PCDH7: variants seen among roughly 807,000 people sequenced by gnomAD.
PCDH7 encodes the protein protocadherin 7.
Under a neutral mutation model 58.9 loss-of-function variants are expected in PCDH7, and 17 were observed. The ratio of observed to expected loss-of-function variants is 0.29; its 90% CI spans 0.20 to 0.43. The LOEUF is 0.43. Ranked by LOEUF, PCDH7 falls within the 20% of genes least tolerant of loss-of-function variation. The pLI, the probability that PCDH7 is intolerant of heterozygous loss-of-function variation, is 1.00. For synonymous variants in PCDH7, 664 were observed against 616.4 expected (o/e 1.08, Z -1.14); for missense variants, 1,274 against 1,441.0 (o/e 0.88, Z 1.88).
chr4:31,036,007 GC>G (rs965026824), intron 3 of PCDH7, among the ~76,000 whole-genome samples: 2 of 152,092 alleles, frequency 1.3e-5, no homozygotes, highest in African/African-American at 4.8e-5. Context: ...GGGTTAATAT[GC>G]TTTTTGTTCC....
chr4:30,796,293 G>A (rs114714124), intron 1 of PCDH7, among the ~76,000 whole-genome samples: 103 of 152,200 alleles, frequency 6.8e-4, no homozygotes, highest in Non-Finnish European at 1.3e-3. Context: ...GGGGCCTAAC[G>A]GACTTCCCCA....
rs1162850887 is a variant in PCDH7 at position 30,722,285 on chromosome 4, G to A, written c.863G>A (p.Arg288His). The A allele has an allele frequency of 1.9e-6, 3 of 1,602,830 alleles. No homozygotes were observed. Among genetic ancestry groups the A allele is most frequent in the South Asian group, 1.1e-5 (1 of 89,814 alleles). Residue 288 changes from arginine (R) to histidine (H), a missense_variant, in exon 1 of 2, where the codon CGC becomes CAC. Arg to His is a conservative substitution (Grantham distance 29, BLOSUM62 0). Coordinates refer to ENST00000361762, the Ensembl canonical transcript of PCDH7. The surrounding 1 kb of genome is among the most constrained non-coding windows in gnomAD (Gnocchi z 7.6). ...GTGCGCGACGGCGGCGACCCGCCTCGCTCCTCGCAGGCCATCCTACGGGTC... is the reference window on the plus strand; with the variant it reads ...GTGCGCGACGGCGGCGACCCGCCTCACTCCTCGCAGGCCATCCTACGGGTC...
Position 31,003,447 on chromosome 4 carries a change from C to G in PCDH7, c.*7+53232C>G, listed in dbSNP as rs1234223821. The stretch of plus-strand genomic sequence containing the variant: ...TTCTAGTCCTCGTTTTTTTCAATTC[C>G]TTATCCGAAGTTCTTGGAACCAGAA... On this transcript the variant is annotated intron_variant, in intron 3 of 3. Coordinates refer to the PCDH7 transcript ENST00000509759. Among the ~76,000 whole-genome samples the G allele has an allele frequency of 2.0e-5, 3 of 151,506 alleles. No homozygotes were observed. In the South Asian group the frequency reaches 6.2e-4, roughly 31 times the overall value.
rs1322956537 is a variant in PCDH7 at position 30,786,746 on chromosome 4, T to G, written c.70+62150T>G. 3 of 983,580 alleles carry G rather than the reference T, an allele frequency of 3.1e-6. No individual in the cohort carries two copies. In the African/African-American group the frequency reaches 5.2e-5, roughly 17 times the overall value. 60.9% of individuals were successfully genotyped at this position (983,580 alleles called of 1,614,324 possible). On this transcript the variant is annotated intron_variant, in intron 1 of 3. Coordinates refer to the PCDH7 transcript ENST00000509759. ...TTATAGGTGGATACAGTGCAGACCA[T>G]GAACCCCTCTGGCCACATTGAGGAA...
chr4:30,959,349 A>T (rs920271844), intron 3 of PCDH7, among the ~76,000 whole-genome samples: 5 of 152,136 alleles, frequency 3.3e-5, no homozygotes, highest in African/African-American at 4.8e-5. Flanking sequence ...TTAGCAATTA[A>T]AGTTATGAAC....
At chr4:31,030,453 A>T (rs1474722605) in intron 3 of PCDH7, among the ~76,000 whole-genome samples, 2 of 152,210 alleles carry the variant, frequency 1.3e-5, no homozygotes, top group African/African-American at 4.8e-5. Flanking sequence ...GAGGGAAAGA[A>T]AAAGAAAAAG....
chr4:31,014,621 T>C (rs1394600563), intron 3 of PCDH7, among the ~76,000 whole-genome samples: 2 of 152,214 alleles, frequency 1.3e-5, no homozygotes, highest in Non-Finnish European at 2.9e-5. Flanking sequence ...AAATGTTATG[T>C]TTAAAATATT....
At chr4:31,136,980 G>C (rs766961791) in intron 3 of PCDH7, among the ~76,000 whole-genome samples, 15 of 152,032 alleles carry the variant, frequency 9.9e-5, no homozygotes, top group Non-Finnish European at 2.1e-4. Context: ...TTAAAATAAA[G>C]CATTTATTTA....
At chr4:30,933,033 CTT>C (rs35077010) in intron 2 of PCDH7, among the ~76,000 whole-genome samples, 19,592 of 147,198 alleles carry the variant, frequency 0.13, 1,470 homozygotes, top group African/African-American at 0.19. Context: ...TTCTTTCTTT[CTT>C]TTTTTTTTTT....
chr4:30,787,364 A>C (rs759820651), intron 1 of PCDH7, among the ~76,000 whole-genome samples: 13 of 152,142 alleles, frequency 8.5e-5, no homozygotes, highest in Admixed American at 2.0e-4. Flanking sequence ...ATGCTATTTA[A>C]TAACGCATTA....
Position 30,723,502 on chromosome 4 carries a change from A to G in PCDH7, c.2080A>G (p.Ile694Val), listed in dbSNP as rs1427133429. The G allele has an allele frequency of 6.2e-7, 1 of 1,614,010 alleles. No individual in the cohort carries two copies. The highest frequency in any genetic ancestry group is 1.3e-5 in the African/African-American group (1 of 74,920). ...TTCTATTGAAAATGACACGGGGACCATTTACTCCACAATGTCTTTTGACCG... is the reference window on the plus strand; with the variant it reads ...TTCTATTGAAAATGACACGGGGACCGTTTACTCCACAATGTCTTTTGACCG... Residue 694 changes from isoleucine to valine, a missense_variant, in exon 1 of 2, where the codon ATT becomes GTT. This residue lies in a region of PCDH7 where 731 missense variants were observed against 881.9 expected (regional missense o/e 0.83). Transcript: ENST00000361762. The surrounding 1 kb of genome is among the most constrained non-coding windows in gnomAD (Gnocchi z 4.6).
chr4:31,106,425 C>T (rs1201310624), intron 3 of PCDH7, among the ~76,000 whole-genome samples: 1 of 152,212 alleles, frequency 6.6e-6, no homozygotes, highest in Non-Finnish European at 1.5e-5. Flanking sequence ...TAAGTGCTAA[C>T]TATAGAATGT....
intron 2 of PCDH7, among the ~76,000 whole-genome samples, chr4:30,949,712 G>A (rs1578392246): frequency 6.6e-6 from 1 of 152,056 alleles, no homozygotes; most frequent in South Asian, 2.1e-4. Flanking sequence ...TAACAGCTAG[G>A]TAGAGACAGA....
exon 2 of PCDH7, chr4:30,920,312 A>G (rs1042956887): frequency 2.9e-6 from 4 of 1,367,646 alleles, no homozygotes; most frequent in Non-Finnish European, 2.9e-6. Flanking sequence ...CCCAGAGGAC[A>G]ACTATGAAAG....
chr4:30,746,923 C>T (rs10024115), intron 1 of PCDH7, among the ~76,000 whole-genome samples: 68,954 of 151,772 alleles, frequency 0.45, 16,379 homozygotes, highest in Middle Eastern at 0.53. Flanking sequence ...GTGAGGATTT[C>T]GAAATATAGG....
chr4:30,721,403 A>T lies in PCDH7; in HGVS notation c.-20A>T. Reference sequence around the variant, plus strand: ...GGGGGCTGTGGTTAGAAGGAGCAGTAGCAGCAGCAGCAGGAGAAGATGCTG... The same window carrying T: ...GGGGGCTGTGGTTAGAAGGAGCAGTTGCAGCAGCAGCAGGAGAAGATGCTG... On this transcript the variant is annotated 5_prime_UTR_variant, in exon 1 of 2. Coordinates refer to ENST00000361762, the Ensembl canonical transcript of PCDH7. This position sits in a 1 kb window ranked among gnomAD's most constrained non-coding sequence, Gnocchi z 6.7. 6.8e-7 allele frequency: 1 copy of T among 1,466,940 alleles called. No homozygotes were observed. The highest frequency in any genetic ancestry group is 2.4e-5 in the Admixed American group (1 of 42,120). 90.9% of individuals were successfully genotyped at this position (1,466,940 alleles called of 1,614,324 possible).
intron 3 of PCDH7, among the ~76,000 whole-genome samples, chr4:31,079,319 T>G (rs1759283413): frequency 6.8e-5 from 2 of 29,478 alleles, no homozygotes; most frequent in African/African-American, 3.9e-4. Context: ...GATATATATA[T>G]ATATATATAT....
At chr4:30,908,670 A>G (rs186050915) in intron 1 of PCDH7, among the ~76,000 whole-genome samples, 1 of 152,294 alleles carries the variant, frequency 6.6e-6, no homozygotes. Context: ...AAATCCCAGG[A>G]CCAGAAGGAT....
chr4:31,093,607 C>CACACACAT (rs33938318), intron 3 of PCDH7, among the ~76,000 whole-genome samples: 88 of 151,818 alleles, frequency 5.8e-4, no homozygotes, highest in African/African-American at 1.6e-3. Flanking sequence ...CACACACACA[C>CACACACAT]ATTACTTGAA....
Sources: gnomAD v4.1 joint callset for allele counts (sites outside exome capture counted in the v4.1 genomes callset) on GRCh38, gnomAD v4.1.1 for gene constraint, gnomAD v4.1.1 regional missense constraint, Gnocchi (gnomAD v3.1) non-coding constraint, MANE v1.5 for transcripts, NCBI Gene and HGNC (gene_info 2026-07-23, HGNC 2026-07-21) for gene names.